The following LDLRAD4 variants were observed in gnomAD, a reference collection of about 807,000 sequenced individuals.
The protein encoded by LDLRAD4 is low density lipoprotein receptor class A domain containing 4, also known as low-density lipoprotein receptor class A domain-containing protein 4.
Under a neutral mutation model 17.0 loss-of-function variants are expected in LDLRAD4, and 5 were observed. The ratio of observed to expected loss-of-function variants is 0.29; its 90% CI spans 0.15 to 0.62. LDLRAD4 has a LOEUF of 0.62. Ranked by LOEUF, LDLRAD4 falls within the 20% of genes least tolerant of loss-of-function variation. The pLI is 0.84. For synonymous variants in LDLRAD4, 168 were observed against 171.8 expected, an observed-to-expected ratio of 0.98 and a Z score of 0.17; for missense variants, 340 against 424.7, an observed-to-expected ratio of 0.80 and a Z score of 1.75.
chr18:13,560,688 G>A (rs775921320), intron 3 of LDLRAD4, among the ~76,000 whole-genome samples: 44 of 152,210 alleles, frequency 2.9e-4, no homozygotes, highest in Non-Finnish European at 5.7e-4. Context: ...GCCTCTCTGT[G>A]AAAGGATCTG....
chr18:13,264,735 C>G (rs1191411210), intron 1 of LDLRAD4, among the ~76,000 whole-genome samples: 1 of 152,218 alleles, frequency 6.6e-6, no homozygotes, highest in African/African-American at 2.4e-5. Context: ...GATTCTGAAT[C>G]TGGATTGATT....
intron 2 of LDLRAD4, among the ~76,000 whole-genome samples, chr18:13,403,082 A>G (rs1328931347): frequency 1.3e-5 from 2 of 152,242 alleles, no homozygotes; most frequent in African/African-American, 2.4e-5. Context: ...TACATTTTTA[A>G]GTGGAAAAAA....
chr18:13,444,758 G>A (rs148628474), intron 3 of LDLRAD4, among the ~76,000 whole-genome samples: 50 of 152,332 alleles, frequency 3.3e-4, no homozygotes, highest in Middle Eastern at 6.8e-3. Flanking sequence ...AGCATATGGG[G>A]CATGGCCCTG....
intron 1 of LDLRAD4, among the ~76,000 whole-genome samples, chr18:13,363,223 G>A (rs1310181374): frequency 6.6e-6 from 1 of 151,450 alleles, no homozygotes; most frequent in Non-Finnish European, 1.5e-5. Context: ...TCCCAGCTAC[G>A]TGGGAGGCTG....
chr18:13,398,675 G>A lies in LDLRAD4; in HGVS notation c.40+10913G>A, dbSNP rs1249145385. Among the ~76,000 whole-genome samples, 1 of 152,150 alleles carries A rather than the reference G, an allele frequency of 6.6e-6. No individual in the cohort carries two copies. The highest frequency in any genetic ancestry group is 1.5e-5 in the Non-Finnish European group (1 of 68,034). Reference sequence around the variant, plus strand: ...ATGTAGTGATCAATGCTCTGTTGATGTGGGTTTGGCGCTCACAGAGAGGAT... The same window carrying A: ...ATGTAGTGATCAATGCTCTGTTGATATGGGTTTGGCGCTCACAGAGAGGAT... On this transcript the variant is annotated intron_variant, in intron 2 of 5. Coordinates refer to ENST00000359446, the Ensembl canonical transcript of LDLRAD4. The surrounding 1 kb of genome is among the most constrained non-coding windows in gnomAD (Gnocchi z 4.8).
chr18:13,511,436 C>T (rs1414989409), intron 3 of LDLRAD4, among the ~76,000 whole-genome samples: 1 of 152,184 alleles, frequency 6.6e-6, no homozygotes, highest in South Asian at 2.1e-4. Flanking sequence ...TGCTCAAAGC[C>T]GGGAGGAGGA....
At chr18:13,409,202 G>A (rs573631969) in intron 2 of LDLRAD4, among the ~76,000 whole-genome samples, 9 of 152,250 alleles carry the variant, frequency 5.9e-5, no homozygotes, top group South Asian at 4.2e-4. Flanking sequence ...GAAGTAACTG[G>A]CTAGTTTCAT....
rs576226326 is a variant in LDLRAD4, at chr18:13,380,085, C to T, written c.-382-7256C>T. ...GGGGCTGGGTTGGGAGGGGCATTGCCGCTGCTTGGCTGGTGGCCACAGTGG... is the reference window on the plus strand; with the variant it reads ...GGGGCTGGGTTGGGAGGGGCATTGCTGCTGCTTGGCTGGTGGCCACAGTGG... On this transcript the variant is annotated intron_variant, in intron 1 of 5. Transcript: ENST00000359446. Among the ~76,000 whole-genome samples the T allele has an allele frequency of 9.9e-5, 15 of 151,928 alleles. No individual in the cohort carries two copies. In the South Asian group the frequency reaches 1.0e-3, roughly 11 times the overall value.
intron 4 of LDLRAD4, among the ~76,000 whole-genome samples, chr18:13,625,335 C>G (rs935366729): frequency 1.3e-5 from 2 of 152,164 alleles, no homozygotes; most frequent in Non-Finnish European, 1.5e-5. Flanking sequence ...GAGGTGGAAA[C>G]ATAGCTTGGG....
At chr18:13,304,112 T>A (rs2046770542) in intron 1 of LDLRAD4, among the ~76,000 whole-genome samples, 2 of 152,130 alleles carry the variant, frequency 1.3e-5, no homozygotes, top group Non-Finnish European at 2.9e-5. Flanking sequence ...GCTGCTGCAG[T>A]CCTGGACTCC....
intron 3 of LDLRAD4, among the ~76,000 whole-genome samples, chr18:13,572,222 G>A (rs1373355772): frequency 1.3e-5 from 2 of 152,208 alleles, no homozygotes; most frequent in Non-Finnish European, 2.9e-5. Flanking sequence ...TACATTGGGG[G>A]TAGTGAAATG....
At chr18:13,513,441 CTTATATAG>C in intron 3 of LDLRAD4, among the ~76,000 whole-genome samples, 1 of 152,306 alleles carries the variant, frequency 6.6e-6, no homozygotes, top group Admixed American at 6.5e-5. Flanking sequence ...TTTGGCCATA[CTTATATAG>C]TTAAGAAGTT....
chr18:13,379,121 G>A (rs140937624), intron 1 of LDLRAD4, among the ~76,000 whole-genome samples: 1 of 152,334 alleles, frequency 6.6e-6, no homozygotes, highest in Non-Finnish European at 1.5e-5. Flanking sequence ...AGGCTCAGGG[G>A]CTTTAAGTAA....
At chr18:13,328,875 A>T (rs774632034) in intron 1 of LDLRAD4, among the ~76,000 whole-genome samples, 12 of 152,236 alleles carry the variant, frequency 7.9e-5, no homozygotes, top group Non-Finnish European at 1.2e-4. Flanking sequence ...AATTTTAAGC[A>T]TATAAAATAA....
rs1479385736 is a variant in LDLRAD4 at position 13,266,382 on chromosome 18, G to T, written c.-466-11723G>T. On this transcript the variant is annotated intron_variant, in intron 1 of 5. Transcript: ENST00000399848. ...CACAACTCCTGGTACCTCGCACTGGGTCCGTGGCCAGATGTGGGCAGGAGC... is the reference window on the plus strand; with the variant it reads ...CACAACTCCTGGTACCTCGCACTGGTTCCGTGGCCAGATGTGGGCAGGAGC... Among the ~76,000 whole-genome samples, 3 of 152,142 alleles carry T rather than the reference G, an allele frequency of 2.0e-5. No individual in the cohort carries two copies. The East Asian group carries it at 5.8e-4, about 29-fold the overall frequency.
chr18:13,406,055 CTCT>C (rs1299845125), intron 2 of LDLRAD4, among the ~76,000 whole-genome samples: 3 of 152,220 alleles, frequency 2.0e-5, no homozygotes, highest in East Asian at 3.8e-4. Flanking sequence ...AGAATGTTGC[CTCT>C]ACTTTTGCAG....
intron 1 of LDLRAD4, among the ~76,000 whole-genome samples, chr18:13,253,212 G>A (rs1426865887): frequency 6.6e-6 from 1 of 152,148 alleles, no homozygotes; most frequent in African/African-American, 2.4e-5. Flanking sequence ...GAGAAGGTGG[G>A]AGGTGAGGAG....
intron 3 of LDLRAD4, among the ~76,000 whole-genome samples, chr18:13,605,619 A>G (rs2095215073): frequency 1.3e-5 from 2 of 152,234 alleles, no homozygotes; most frequent in Non-Finnish European, 2.9e-5. Flanking sequence ...AGGTAGATCA[A>G]TCATGACCCA....
At chr18:13,612,043 G>A (rs2039617098) in intron 3 of LDLRAD4, 43 of 985,554 alleles carry the variant, frequency 4.4e-5, no homozygotes, top group Non-Finnish European at 4.9e-5. Flanking sequence ...TGAGCGTCCC[G>A]CCTGTCGCGT....
Sources: gnomAD v4.1 joint callset for allele counts (sites outside exome capture counted in the v4.1 genomes callset) on GRCh38, gnomAD v4.1.1 for gene constraint, Gnocchi (gnomAD v3.1) non-coding constraint, MANE v1.5 for transcripts, NCBI Gene and HGNC (gene_info 2026-07-23, HGNC 2026-07-21) for gene names.